Variants in TRMT11 observed in about 807,000 individuals in gnomAD.
The protein encoded by TRMT11 is tRNA (guanine(10)-N(2))-methyltransferase TRMT11.
Under a neutral mutation model 62.8 loss-of-function variants are expected in TRMT11, and 53 were observed. The observed-to-expected ratio is 0.84, with a 90% CI of 0.68 to 1.06. The LOEUF is 1.06. TRMT11 is among the 50% of genes least tolerant of loss of function. The pLI is 0.00. For synonymous variants in TRMT11, 188 were observed against 190.3 expected, an observed-to-expected ratio of 0.99 and a Z score of 0.10; for missense variants, 556 against 553.4, an observed-to-expected ratio of 1.00 and a Z score of -0.05.
chr6:126,256,131 T>G, the TRMT11 span, among the ~76,000 whole-genome samples: 1 of 152,140 alleles, frequency 6.6e-6, no homozygotes, highest in South Asian at 2.1e-4. Flanking sequence ...TGGTAGGAGG[T>G]CTCAGTTTCT....
At chr6:126,255,596 T>A in the TRMT11 span, among the ~76,000 whole-genome samples, 1 of 152,228 alleles carries the variant, frequency 6.6e-6, no homozygotes, top group African/African-American at 2.4e-5. Context: ...AAGTTAAATC[T>A]ATCTTGAAAC....
At chr6:126,009,558 T>A (rs918091135) in intron 8 of TRMT11, 1 of 152,022 alleles carries the variant, frequency 6.6e-6, no homozygotes, top group Non-Finnish European at 1.5e-5. Context: ...TATAAGTTAT[T>A]GTATTGGTGA....
chr6:126,267,072 G>T, the TRMT11 span, among the ~76,000 whole-genome samples: 1 of 152,060 alleles, frequency 6.6e-6, no homozygotes, highest in African/African-American at 2.4e-5. Flanking sequence ...TTCCACATGG[G>T]TCTGCCCATT....
At chr6:126,117,237 A>G (rs998283263) in intron 21 of TRMT11, among the ~76,000 whole-genome samples, 2 of 152,150 alleles carry the variant, frequency 1.3e-5, no homozygotes, top group Non-Finnish European at 1.5e-5. Context: ...CTGGTCTCCA[A>G]TGAGATCTTT....
At chr6:126,064,846 C>T (rs1776641579) in intron 17 of TRMT11, among the ~76,000 whole-genome samples, 1 of 152,228 alleles carries the variant, frequency 6.6e-6, no homozygotes, top group Non-Finnish European at 1.5e-5. Flanking sequence ...TTATGTTCCA[C>T]ATCTTAATCA....
the TRMT11 span, among the ~76,000 whole-genome samples, chr6:126,245,059 G>C: frequency 6.6e-6 from 1 of 152,120 alleles, no homozygotes; most frequent in South Asian, 2.1e-4. Context: ...GTTGACATAT[G>C]ATTTCCAATC....
intron 21 of TRMT11, among the ~76,000 whole-genome samples, chr6:126,126,945 A>G (rs1172809812): frequency 6.6e-6 from 1 of 152,134 alleles, no homozygotes; most frequent in Non-Finnish European, 1.5e-5. Flanking sequence ...CCTTAGGAAA[A>G]AAATAAATCT....
chr6:126,057,713 G>A (rs1258545991), intron 17 of TRMT11, among the ~76,000 whole-genome samples: 1 of 151,918 alleles, frequency 6.6e-6, no homozygotes, highest in Non-Finnish European at 1.5e-5. Context: ...CACAGAAAAT[G>A]TGTCATCTAC....
chr6:126,193,530 T>C lies in TRMT11; in HGVS notation n.144-5269T>C, dbSNP rs1209924554. Among the ~76,000 whole-genome samples, 5 of 130,852 alleles carry C rather than the reference T, an allele frequency of 3.8e-5. No homozygotes were observed. The Admixed American group carries it at 4.4e-4, about 11-fold the overall frequency. The allele number at this position is 130,852 out of a possible 152,430, so 85.8% of individuals were successfully genotyped here. On this transcript the variant is annotated intron_variant and non_coding_transcript_variant, in intron 1 of 3. Coordinates refer to the TRMT11 transcript ENST00000444229. Reference sequence around the variant, plus strand: ...TTTTTTTTTTGAGACACAGTCTCACTCTGTCACCCAGGCTGGAGTGCAGGC... The same window carrying C: ...TTTTTTTTTTGAGACACAGTCTCACCCTGTCACCCAGGCTGGAGTGCAGGC...
chr6:126,215,869 C>A, the TRMT11 span, among the ~76,000 whole-genome samples: 92 of 152,076 alleles, frequency 6.0e-4, no homozygotes, highest in African/African-American at 2.1e-3. Context: ...AGAATACAAA[C>A]TGTGCAATTT....
chr6:126,027,100 C>G (rs1184213230), intron 12 of TRMT11, among the ~76,000 whole-genome samples: 1 of 152,154 alleles, frequency 6.6e-6, no homozygotes, highest in East Asian at 1.9e-4. Context: ...GCCACCGCGC[C>G]CGGCCGTTTG....
the TRMT11 span, chr6:126,258,197 A>G: frequency 1.5e-6 from 1 of 686,920 alleles, no homozygotes; most frequent in Non-Finnish European, 2.8e-6. Flanking sequence ...CTTGATGGTG[A>G]CCTTCCCTTG....
At chr6:126,080,284 G>T (rs6914062) in intron 17 of TRMT11, among the ~76,000 whole-genome samples, 1,919 of 151,596 alleles carry the variant, frequency 0.013, 43 homozygotes, top group African/African-American at 0.044. Flanking sequence ...TTGTCTTAAT[G>T]TTTTTTGGTA....
intron 9 of TRMT11, among the ~76,000 whole-genome samples, chr6:126,011,790 T>G (rs1401058383): frequency 6.6e-6 from 1 of 152,212 alleles, no homozygotes; most frequent in Non-Finnish European, 1.5e-5. Context: ...AATTATGGTG[T>G]CAAATTTTGA....
chr6:126,039,371 A>G (rs1334237651), downstream of TRMT11: 1 of 152,450 alleles, frequency 6.6e-6, no homozygotes, highest in Non-Finnish European at 1.5e-5. Flanking sequence ...CAATGCTAAT[A>G]GTGATGATAA....
At chr6:126,219,003 A>G in the TRMT11 span, among the ~76,000 whole-genome samples, 1 of 152,070 alleles carries the variant, frequency 6.6e-6, no homozygotes, top group Non-Finnish European at 1.5e-5. Context: ...TTCCAATACA[A>G]AGTCCCACAA....
chr6:126,159,386 C>T (rs761707343), intron 21 of TRMT11, among the ~76,000 whole-genome samples: 1 of 152,038 alleles, frequency 6.6e-6, no homozygotes, highest in Non-Finnish European at 1.5e-5. Context: ...ATAGACAATG[C>T]GTAAACAAAT....
At chr6:126,146,717 C>T (rs887564907) in intron 21 of TRMT11, among the ~76,000 whole-genome samples, 6 of 152,026 alleles carry the variant, frequency 3.9e-5, no homozygotes, top group Non-Finnish European at 8.8e-5. Context: ...GGGGTTTCAC[C>T]ATGCTGGCCA....
chr6:126,106,620 A>G (rs913959536), intron 17 of TRMT11, among the ~76,000 whole-genome samples: 4 of 152,160 alleles, frequency 2.6e-5, no homozygotes, highest in African/African-American at 9.7e-5. Flanking sequence ...CCTCTATAAC[A>G]TAAGCTCTGT....
Sources: allele counts gnomAD v4.1 joint callset (sites outside exome capture counted in the v4.1 genomes callset), GRCh38; gene constraint gnomAD v4.1.1; transcripts MANE v1.5; gene names NCBI Gene and HGNC (gene_info 2026-07-23, HGNC 2026-07-21).